Variants in MYCBP2 observed in about 807,000 individuals in gnomAD.
MYCBP2 encodes MYC binding protein 2.
In MYCBP2, 120 loss-of-function variants were observed where a neutral mutation model predicts 525.3. The ratio of observed to expected loss-of-function variants is 0.23; its 90% CI spans 0.20 to 0.27. MYCBP2 has a LOEUF of 0.27. MYCBP2 is among the 10% of genes least tolerant of loss of function. MYCBP2 has a pLI of 1.00. For synonymous variants in MYCBP2, 1,894 were observed against 1,955.8 expected (o/e 0.97, Z 0.83); for missense variants, 4,149 against 5,657.1 (o/e 0.73, Z 8.55).
intron 14 of MYCBP2, among the ~76,000 whole-genome samples, chr13:77,255,095 T>C (rs1406247938): frequency 6.6e-6 from 1 of 152,050 alleles, no homozygotes. Context: ...CAGATTTCCT[T>C]TCTTTTTGAT....
At chr13:77,165,526 G>T in intron 41 of MYCBP2, 135 bp from the exon 42 acceptor site, 1 of 634,928 alleles carries the variant, frequency 1.6e-6, no homozygotes, top group Non-Finnish European at 2.7e-6. Context: ...AACTTAAATA[G>T]ACTTGCGGCG....
intron 30 of MYCBP2, among the ~76,000 whole-genome samples, chr13:77,186,995 G>C (rs976128018): frequency 2.6e-5 from 4 of 151,720 alleles, no homozygotes; most frequent in African/African-American, 9.7e-5. Flanking sequence ...AGTTTTTTTA[G>C]ATGGGGGTTT....
At chr13:77,300,551 CTTTG>C (rs948585702) in intron 1 of MYCBP2, among the ~76,000 whole-genome samples, 5 of 152,214 alleles carry the variant, frequency 3.3e-5, no homozygotes, top group East Asian at 1.9e-4. Context: ...GTCTGTGGGT[CTTTG>C]TTTGCTCGCC....
At chr13:77,079,592 T>C (rs746917243) in intron 65 of MYCBP2, among the ~76,000 whole-genome samples, 2 of 152,266 alleles carry the variant, frequency 1.3e-5, no homozygotes, top group African/African-American at 4.8e-5. Flanking sequence ...GGTAGGCAGG[T>C]TGAGGAACAT....
intron 20 of MYCBP2, among the ~76,000 whole-genome samples, chr13:77,221,563 T>C (rs2065576225): frequency 6.6e-6 from 1 of 152,150 alleles, no homozygotes; most frequent in African/African-American, 2.4e-5. Context: ...GACCATGAAA[T>C]ACTATTTGCC....
rs2054370789 is a variant in MYCBP2, at chr13:77,140,077, T to C, written c.7488A>G (p.Lys2496=). 2 of 1,612,402 alleles carry C rather than the reference T, an allele frequency of 1.2e-6. No homozygotes were observed. The highest frequency in any genetic ancestry group is 1.7e-6 in the Non-Finnish European group (2 of 1,179,528). The change falls in exon 51 of 83, where the codon AAA becomes AAG. Residue 2496 remains lysine (K), a synonymous_variant. Coordinates refer to ENST00000544440, the MANE Select transcript of MYCBP2 (RefSeq NM_015057.5). The part of the protein sequence containing the change: ...SLQSEQIGIV[K]VNGTITFIDE... ...CAATAAAAGTGATAGTTCCATTGAC[T>C]TTCACTATGCCTATCTGCTCACTCT... is the stretch of plus-strand genomic sequence containing the variant.
At position 77,068,814 on chromosome 13, in the gene MYCBP2, G is replaced by A; in HGVS notation, c.11922C>T (p.Val3974=). The change falls in exon 70 of 83, where the codon GTC becomes GTT. Residue 3974 remains valine, a synonymous_variant. Coordinates refer to ENST00000544440, the MANE Select transcript of MYCBP2 (RefSeq NM_015057.5). ...NLQKQVCAHI[V]QAIRMEATRV... ...TGGTAGCTTCCATGCGAATAGCTTG[G>A]ACAATATGAGCACACACCTATTTAA... is the stretch of plus-strand genomic sequence containing the variant. 6.2e-7 allele frequency: 1 copy of A among 1,613,888 alleles called. No homozygotes were observed. The highest frequency in any genetic ancestry group is 8.5e-7 in the Non-Finnish European group (1 of 1,180,028).
chr13:77,108,583 A>G (rs2048233776), intron 55 of MYCBP2, among the ~76,000 whole-genome samples: 1 of 152,210 alleles, frequency 6.6e-6, no homozygotes, highest in Admixed American at 6.6e-5. Context: ...AGTGATTAGC[A>G]TTAACCATAA....
intron 52 of MYCBP2, among the ~76,000 whole-genome samples, chr13:77,138,501 TATC>T (rs1458557536): frequency 1.3e-5 from 2 of 152,250 alleles, no homozygotes; most frequent in Non-Finnish European, 2.9e-5. Context: ...TTATTAGCTC[TATC>T]CTAAAGAGCA....
intron 79 of MYCBP2, among the ~76,000 whole-genome samples, chr13:77,056,098 T>TGGTGTG (rs2037911652): frequency 8.3e-5 from 9 of 108,778 alleles, no homozygotes; most frequent in Non-Finnish European, 1.5e-4. Context: ...GCTCTGTGTT[T>TGGTGTG]GGTGTGTGTG....
At chr13:77,061,344 C>T (rs771840480) in intron 75 of MYCBP2, 43 bp from the exon 76 acceptor site, 3 of 1,517,482 alleles carry the variant, frequency 2.0e-6, no homozygotes, top group Non-Finnish European at 2.7e-6. Context: ...GCTTATTTAT[C>T]ACTCTGAAAG....
rs549211140 is a variant in MYCBP2, at chr13:77,243,002, C to A, written c.2629+57G>T. The A allele has an allele frequency of 3.3e-5, 48 of 1,447,032 alleles. No individual in the cohort carries two copies. The South Asian group carries it at 5.2e-4, about 16-fold the overall frequency. The allele number at this position is 1,447,032 out of a possible 1,614,324, so 89.6% of individuals were successfully genotyped here. On this transcript the variant is annotated intron_variant, in intron 17 of 82. Coordinates refer to ENST00000544440, the MANE Select transcript of MYCBP2 (RefSeq NM_015057.5). ...TATTGTGTGAACTTTTCAGTGGTTT[C>A]AGGATAGGGTAGGAAAGTGGATTTT...
chr13:77,154,079 A>G (rs754406225), intron 46 of MYCBP2, among the ~76,000 whole-genome samples: 1 of 152,194 alleles, frequency 6.6e-6, no homozygotes, highest in Non-Finnish European at 1.5e-5. Context: ...GATTTTAACA[A>G]TTTATGAACA....
At chr13:77,063,005 T>C (rs1393130026) in intron 73 of MYCBP2, among the ~76,000 whole-genome samples, 2 of 152,198 alleles carry the variant, frequency 1.3e-5, no homozygotes, top group African/African-American at 4.8e-5. Flanking sequence ...TATGAATAAA[T>C]GAATTGGCAT....
At chr13:77,079,359 A>G (rs543128517) in intron 65 of MYCBP2, among the ~76,000 whole-genome samples, 2 of 152,324 alleles carry the variant, frequency 1.3e-5, no homozygotes, top group South Asian at 4.1e-4. Flanking sequence ...ATCCCCCAAG[A>G]TACTTGCCAA....
intron 15 of MYCBP2, among the ~76,000 whole-genome samples, chr13:77,249,115 G>A (rs1382785800): frequency 6.6e-6 from 1 of 152,162 alleles, no homozygotes; most frequent in Non-Finnish European, 1.5e-5. Context: ...GCAGGGGAGA[G>A]GGAAGAATGA....
intron 55 of MYCBP2, among the ~76,000 whole-genome samples, chr13:77,104,532 T>C (rs1418384095): frequency 1.3e-5 from 2 of 152,032 alleles, no homozygotes; most frequent in Admixed American, 6.6e-5. Flanking sequence ...AATACCACTT[T>C]GGGAGTGACG....
In MYCBP2 at chr13:77,067,600, G is replaced by C; in HGVS notation, c.12436C>G (p.Pro4146Ala). The C allele has an allele frequency of 1.2e-6, 2 of 1,614,006 alleles. No homozygotes were observed. Among genetic ancestry groups the C allele is most frequent in the Non-Finnish European group, 1.7e-6 (2 of 1,179,892 alleles). ...VGKGVTTVTL[P>A]MIFNSSYLRR... ...ACTAACCTGGAATTGAAAATCATCG[G>C]AAGAGTAACTGTTGTAACTCCTTTG... Residue 4146 changes from proline to alanine, a missense_variant, in exon 71 of 83, where the codon CCG becomes GCG. Around this residue, in one of 21 missense-constraint regions of MYCBP2, gnomAD observed 148 missense variants for 179.4 expected, o/e 0.82. Transcript: ENST00000544440.
chr13:77,309,195 C>G (rs1337836576), intron 1 of MYCBP2, among the ~76,000 whole-genome samples: 3 of 152,156 alleles, frequency 2.0e-5, no homozygotes, highest in African/African-American at 7.2e-5. Flanking sequence ...CCACTTTTCC[C>G]TGCCTCCTGA....
Sources: allele counts gnomAD v4.1 joint callset (sites outside exome capture counted in the v4.1 genomes callset), GRCh38; gene constraint gnomAD v4.1.1; regional missense constraint gnomAD v4.1.1; transcripts MANE v1.5; gene names NCBI Gene and HGNC (gene_info 2026-07-23, HGNC 2026-07-21).